The following NELL1 variants were observed in gnomAD, a reference collection of about 807,000 sequenced individuals.
NELL1 encodes the protein neural EGFL like 1.
NELL1 carries 76 observed loss-of-function variants against 107.4 expected under a neutral mutation model. The observed-to-expected ratio is 0.71, with a 90% CI of 0.59 to 0.86. The LOEUF is 0.86. NELL1 is among the 40% of genes least tolerant of loss of function. The pLI, the probability that NELL1 is intolerant of heterozygous loss-of-function variation, is 0.00. For synonymous variants in NELL1, 353 were observed against 341.2 expected (o/e 1.03, Z -0.38); for missense variants, 1,024 against 1,005.5 (o/e 1.02, Z -0.25).
At chr11:20,911,557 G>A (rs752895301) in intron 5 of NELL1, among the ~76,000 whole-genome samples, 5 of 152,190 alleles carry the variant, frequency 3.3e-5, no homozygotes, top group Non-Finnish European at 7.3e-5. Flanking sequence ...TGATTAAGGA[G>A]ACATGATATT....
chr11:21,357,886 A>G (rs144062694), intron 14 of NELL1, among the ~76,000 whole-genome samples: 32 of 152,306 alleles, frequency 2.1e-4, no homozygotes, highest in African/African-American at 7.2e-4. Flanking sequence ...TCCCAGCACC[A>G]TTCGTTGAAT....
intron 14 of NELL1, among the ~76,000 whole-genome samples, chr11:21,301,441 C>T (rs762138619): frequency 1.3e-5 from 2 of 152,134 alleles, no homozygotes; most frequent in African/African-American, 2.4e-5. Flanking sequence ...GCCATTCTAA[C>T]TGGCATGCAA....
At chr11:21,387,802 C>T (rs1321984531) in intron 15 of NELL1, among the ~76,000 whole-genome samples, 3 of 151,766 alleles carry the variant, frequency 2.0e-5, no homozygotes, top group Non-Finnish European at 4.4e-5. Flanking sequence ...CTTCATCATT[C>T]TTAGGTTAAT....
intron 5 of NELL1, among the ~76,000 whole-genome samples, chr11:20,910,044 C>A (rs1850090788): frequency 6.6e-6 from 1 of 152,018 alleles, no homozygotes; most frequent in Admixed American, 6.6e-5. Flanking sequence ...TTGGTTGATC[C>A]CCTCTAGATT....
At position 21,280,734 on chromosome 11, in the gene NELL1, G is replaced by A. The variant is rs139325054; in HGVS notation, c.1549+51280G>A. Among the ~76,000 whole-genome samples, 92 of 152,016 alleles carry A rather than the reference G, an allele frequency of 6.1e-4. 1 individual carries two copies. In the East Asian group the frequency reaches 0.011, roughly 19 times the overall value. ...AAAGCGGGCTAAAATGCTATGGGGC[G>A]TTAAATAATGTTTATTTAAGTTTAA... On this transcript the variant is annotated intron_variant, in intron 14 of 19. Transcript: ENST00000357134.
intron 2 of NELL1, among the ~76,000 whole-genome samples, chr11:20,727,038 A>G (rs1267308032): frequency 6.6e-6 from 1 of 152,176 alleles, no homozygotes; most frequent in Admixed American, 6.5e-5. Flanking sequence ...GCTATTGTGA[A>G]TAGTGCCGCA....
intron 13 of NELL1, among the ~76,000 whole-genome samples, chr11:21,174,608 CAT>C (rs1318136027): frequency 6.6e-6 from 1 of 151,628 alleles, no homozygotes; most frequent in East Asian, 1.9e-4. Context: ...TATGGAAGGA[CAT>C]GTGGGAGTAT....
At chr11:21,049,552 A>G (rs539600227) in intron 12 of NELL1, among the ~76,000 whole-genome samples, 1 of 152,262 alleles carries the variant, frequency 6.6e-6, no homozygotes, top group South Asian at 2.1e-4. Flanking sequence ...TACCCCCAAG[A>G]TGAGAACTAG....
intron 12 of NELL1, among the ~76,000 whole-genome samples, chr11:21,069,312 A>T (rs185161825): frequency 4.1e-4 from 63 of 152,324 alleles, no homozygotes; most frequent in South Asian, 1.2e-3. Flanking sequence ...AAAAGAAAGA[A>T]AACAGACATG....
chr11:20,694,027 T>C (rs1411687284), intron 2 of NELL1, among the ~76,000 whole-genome samples: 1 of 152,144 alleles, frequency 6.6e-6, no homozygotes, highest in Non-Finnish European at 1.5e-5. Flanking sequence ...TCGCTTCATT[T>C]CATTCGTTTC....
chr11:21,204,405 T>C (rs1466284912), intron 13 of NELL1, among the ~76,000 whole-genome samples: 2 of 151,934 alleles, frequency 1.3e-5, no homozygotes, highest in Non-Finnish European at 2.9e-5. Context: ...TCTATTCAGC[T>C]ATTGATACCA....
chr11:20,928,630 A>G, intron 9 of NELL1, 151 bp downstream of exon 9: 3 of 672,010 alleles, frequency 4.5e-6, no homozygotes, highest in South Asian at 3.8e-5. Flanking sequence ...AAGAGCCACA[A>G]TATTTTAATC....
chr11:21,152,540 G>A (rs993096637), intron 13 of NELL1, among the ~76,000 whole-genome samples: 2 of 152,108 alleles, frequency 1.3e-5, no homozygotes, highest in African/African-American at 4.8e-5. Flanking sequence ...CGGAAGGAAA[G>A]GGCAAAGCTG....
At chr11:21,112,306 G>A (rs1855126204) in intron 12 of NELL1, among the ~76,000 whole-genome samples, 1 of 151,864 alleles carries the variant, frequency 6.6e-6, no homozygotes, top group Admixed American at 6.6e-5. Context: ...ATTTTATTAG[G>A]AAATAAATCA....
chr11:21,074,171 A>G (rs1164307242), intron 12 of NELL1, among the ~76,000 whole-genome samples: 6 of 152,168 alleles, frequency 3.9e-5, no homozygotes, highest in Non-Finnish European at 8.8e-5. Flanking sequence ...TAACATCAGC[A>G]TAAACTGGGA....
intron 14 of NELL1, among the ~76,000 whole-genome samples, chr11:21,299,430 A>G (rs1480457636): frequency 6.6e-6 from 1 of 151,002 alleles, no homozygotes; most frequent in Non-Finnish European, 1.5e-5. Flanking sequence ...TGCTTAATTG[A>G]CTTTTCATGG....
At chr11:21,092,079 G>A (rs1163221438) in intron 12 of NELL1, among the ~76,000 whole-genome samples, 1 of 152,182 alleles carries the variant, frequency 6.6e-6, no homozygotes, top group Non-Finnish European at 1.5e-5. Flanking sequence ...GTATTCCAAG[G>A]TGATGTGATT....
intron 13 of NELL1, among the ~76,000 whole-genome samples, chr11:21,169,065 G>A (rs1440534969): frequency 6.6e-6 from 1 of 151,874 alleles, no homozygotes; most frequent in Non-Finnish European, 1.5e-5. Context: ...AGAAACCCGG[G>A]ATTGCCTGAA....
chr11:21,402,438 A>G (rs770859784), intron 15 of NELL1, among the ~76,000 whole-genome samples: 4 of 151,850 alleles, frequency 2.6e-5, no homozygotes, highest in Non-Finnish European at 5.9e-5. Flanking sequence ...TGGTTTTCCA[A>G]TGGTGAAATT....
Sources: allele counts gnomAD v4.1 joint callset (sites outside exome capture counted in the v4.1 genomes callset), GRCh38; gene constraint gnomAD v4.1.1; transcripts MANE v1.5; gene names NCBI Gene and HGNC (gene_info 2026-07-23, HGNC 2026-07-21).